The following SIPA1L1 variants were observed in gnomAD, a reference collection of about 807,000 sequenced individuals.
SIPA1L1 encodes signal induced proliferation associated 1 like 1, also known as signal-induced proliferation-associated 1-like protein 1.
A neutral mutation model predicts 162.7 loss-of-function variants in SIPA1L1; 26 were observed. That is an observed-to-expected ratio of 0.16 (90% CI 0.12 to 0.22). The LOEUF (loss-of-function observed/expected upper bound fraction) is 0.22. Ranked by LOEUF, SIPA1L1 falls within the 10% of genes least tolerant of loss-of-function variation. SIPA1L1 has a pLI of 1.00. For missense variants in SIPA1L1, 1,874 were observed against 2,241.0 expected, an observed-to-expected ratio of 0.84 and a Z score of 3.31; for synonymous variants, 829 against 837.4, an observed-to-expected ratio of 0.99 and a Z score of 0.17.
Position 71,330,852 on chromosome 14 carries a change from ATT to A in SIPA1L1, c.-465+9676_-465+9677del, listed in dbSNP as rs1341708425. The stretch of plus-strand genomic sequence containing the variant: ...CTTATGAGATAGATTATTTGCAAAT[ATT>A]TTTTCCACTCCAGGTTGCTTTTTTG... On this transcript the variant is annotated intron_variant, in intron 2 of 23. Coordinates refer to ENST00000381232, the MANE Select transcript of SIPA1L1 (RefSeq NM_001386936.1). 9.4e-5 allele frequency: 54 copies of A among 576,580 alleles called. 2 individuals are homozygous for A. Among genetic ancestry groups the A allele is most frequent in the South Asian group, 5.8e-4 (27 of 46,360 alleles). The allele number at this position is 576,580 out of a possible 1,614,324, so 35.7% of individuals were successfully genotyped here. A position where few individuals can be genotyped will look rare whatever the true frequency, so the allele number is the denominator to read the frequency against.
chr14:71,500,288 C>T (rs2050105170), intron 2 of SIPA1L1, among the ~76,000 whole-genome samples: 2 of 152,094 alleles, frequency 1.3e-5, no homozygotes, highest in Non-Finnish European at 2.9e-5. Context: ...TCAATAAAAG[C>T]GTGACACTCC....
chr14:71,640,526 C>G (rs1162965786), intron 7 of SIPA1L1, among the ~76,000 whole-genome samples: 2 of 152,188 alleles, frequency 1.3e-5, no homozygotes, highest in Non-Finnish European at 2.9e-5. Flanking sequence ...TTTCAGTGAT[C>G]AGATCAAATC....
chr14:71,680,506 T>C (rs772123947), intron 12 of SIPA1L1, among the ~76,000 whole-genome samples: 1 of 151,900 alleles, frequency 6.6e-6, no homozygotes, highest in Non-Finnish European at 1.5e-5. Flanking sequence ...CACCCTAACA[T>C]CACAATCAGA....
intron 4 of SIPA1L1, among the ~76,000 whole-genome samples, chr14:71,555,328 C>A (rs1034127129): frequency 2.6e-5 from 4 of 152,232 alleles, no homozygotes; most frequent in African/African-American, 9.7e-5. Flanking sequence ...CAGCTTCCTT[C>A]CCGAAACCTG....
At chr14:71,373,382 G>A (rs889219168) in intron 2 of SIPA1L1, among the ~76,000 whole-genome samples, 2 of 151,834 alleles carry the variant, frequency 1.3e-5, no homozygotes, top group African/African-American at 2.4e-5. Context: ...TAGGACTTTG[G>A]GAGGCCGAGG....
At chr14:71,578,854 C>A (rs1293629353) in intron 4 of SIPA1L1, among the ~76,000 whole-genome samples, 1 of 152,128 alleles carries the variant, frequency 6.6e-6, no homozygotes, top group African/African-American at 2.4e-5. Flanking sequence ...TCATATGGGT[C>A]CCATGGTGTT....
intron 12 of SIPA1L1, among the ~76,000 whole-genome samples, chr14:71,677,961 T>C (rs567111017): frequency 1.4e-3 from 209 of 152,128 alleles, no homozygotes; most frequent in Non-Finnish European, 2.5e-3. Context: ...ATGTGGGCTC[T>C]TTTTTTGGTT....
At chr14:71,580,964 A>G (rs928737979) in intron 4 of SIPA1L1, among the ~76,000 whole-genome samples, 16 of 152,290 alleles carry the variant, frequency 1.1e-4, no homozygotes, top group African/African-American at 3.6e-4. Context: ...TGCCCTTTTA[A>G]TCTGTCTGCC....
At chr14:71,557,389 G>A (rs571433047) in intron 4 of SIPA1L1, among the ~76,000 whole-genome samples, 1 of 152,150 alleles carries the variant, frequency 6.6e-6, no homozygotes, top group African/African-American at 2.4e-5. Flanking sequence ...TTCAAACTAA[G>A]TCCTTACCAC....
At chr14:71,737,907 C>T (rs1198217547) in intron 22 of SIPA1L1, among the ~76,000 whole-genome samples, 1 of 152,134 alleles carries the variant, frequency 6.6e-6, no homozygotes, top group Non-Finnish European at 1.5e-5. Flanking sequence ...AATCATTTTA[C>T]TGTTTGACAA....
At chr14:71,486,079 G>T (rs1489941435) in intron 2 of SIPA1L1, among the ~76,000 whole-genome samples, 1 of 152,192 alleles carries the variant, frequency 6.6e-6, no homozygotes. Context: ...GATTTAAAAA[G>T]ATGTTTCATA....
intron 17 of SIPA1L1, among the ~76,000 whole-genome samples, chr14:71,720,809 C>A (rs920173101): frequency 6.6e-6 from 1 of 151,978 alleles, no homozygotes; most frequent in Non-Finnish European, 1.5e-5. Flanking sequence ...ATTTCAATCT[C>A]TTTGATCTCT....
intron 4 of SIPA1L1, among the ~76,000 whole-genome samples, chr14:71,557,799 A>C (rs2056469565): frequency 6.6e-6 from 1 of 152,238 alleles, no homozygotes; most frequent in African/African-American, 2.4e-5. Context: ...CATTAGGCTC[A>C]AGTTGACTGC....
At chr14:71,456,434 G>GTT (rs1595555985) in intron 2 of SIPA1L1, among the ~76,000 whole-genome samples, 1 of 152,322 alleles carries the variant, frequency 6.6e-6, no homozygotes, top group East Asian at 1.9e-4. Context: ...GTGGATAACT[G>GTT]TTTATTATAC....
intron 2 of SIPA1L1, among the ~76,000 whole-genome samples, chr14:71,334,277 T>C (rs112584998): frequency 0.012 from 1,787 of 152,340 alleles, 18 homozygotes; most frequent in East Asian, 0.021. Context: ...CTTGTAAAGC[T>C]GTGTCTTACA....
chr14:71,330,831 T>C, intron 2 of SIPA1L1: 1 of 606,042 alleles, frequency 1.7e-6, no homozygotes, highest in Non-Finnish European at 3.0e-6. Flanking sequence ...TAACACCTTA[T>C]GAGATAGATT....
chr14:71,446,917 T>G (rs947488836), intron 2 of SIPA1L1, among the ~76,000 whole-genome samples: 2 of 111,774 alleles, frequency 1.8e-5, no homozygotes, highest in South Asian at 3.1e-4. Flanking sequence ...TTTTTTTTTT[T>G]TTTTTTTTTT....
intron 2 of SIPA1L1, among the ~76,000 whole-genome samples, chr14:71,430,503 G>C (rs1370648165): frequency 6.6e-6 from 1 of 152,032 alleles, no homozygotes; most frequent in African/African-American, 2.4e-5. Context: ...TAACAAATGG[G>C]GCTAATAAGC....
intron 12 of SIPA1L1, among the ~76,000 whole-genome samples, chr14:71,672,883 A>T (rs1394813476): frequency 6.6e-6 from 1 of 152,240 alleles, no homozygotes; most frequent in African/African-American, 2.4e-5. Context: ...TGACAGATAG[A>T]GAAGTCTGGT....
Sources: gnomAD v4.1 joint callset for allele counts (sites outside exome capture counted in the v4.1 genomes callset) on GRCh38, gnomAD v4.1.1 for gene constraint, MANE v1.5 for transcripts, NCBI Gene and HGNC (gene_info 2026-07-23, HGNC 2026-07-21) for gene names.